The following LNX1 variants were observed in gnomAD, a reference collection of about 807,000 sequenced individuals.
LNX1 encodes the protein E3 ubiquitin-protein ligase LNX.
In LNX1, 54 loss-of-function variants were observed where a neutral mutation model predicts 68.4. That is an observed-to-expected ratio of 0.79 (90% CI 0.63 to 0.99). The LOEUF is 0.99. Among genes scored for constraint, LNX1 ranks in the 50% least tolerant of loss-of-function variants. The pLI, the probability that LNX1 is intolerant of heterozygous loss-of-function variation, is 0.00. For synonymous variants in LNX1, 336 were observed against 350.0 expected (o/e 0.96, Z 0.45); for missense variants, 906 against 926.4 (o/e 0.98, Z 0.29).
At chr4:53,546,868 C>T (rs1577693571) in intron 2 of LNX1, among the ~76,000 whole-genome samples, 1 of 152,188 alleles carries the variant, frequency 6.6e-6, no homozygotes, top group African/African-American at 2.4e-5. Context: ...TGGTAAAGAC[C>T]GAGCCACTTG....
chr4:53,537,972 G>A (rs568875335), intron 2 of LNX1, among the ~76,000 whole-genome samples: 36 of 152,300 alleles, frequency 2.4e-4, no homozygotes, highest in African/African-American at 7.7e-4. Flanking sequence ...GAGAGCCTTG[G>A]CTACTGTCAA....
At chr4:53,468,615 A>G (rs1397675943) in intron 9 of LNX1, among the ~76,000 whole-genome samples, 4 of 152,226 alleles carry the variant, frequency 2.6e-5, no homozygotes, top group African/African-American at 4.8e-5. Context: ...GCAGAGACAC[A>G]CATAGGCTCA....
At chr4:53,515,470 T>C (rs11724704) in intron 2 of LNX1, among the ~76,000 whole-genome samples, 37,685 of 151,668 alleles carry the variant, frequency 0.25, 5,175 homozygotes, top group Admixed American at 0.33. Context: ...AGCAAGCTCA[T>C]GAGTTCCCTT....
intron 2 of LNX1, among the ~76,000 whole-genome samples, chr4:53,515,767 C>G (rs1172032843): frequency 2.6e-5 from 4 of 152,124 alleles, no homozygotes; most frequent in Non-Finnish European, 5.9e-5. Context: ...GATGGCACAG[C>G]ACGGAGGAAA....
chr4:53,498,558 T>C (rs1725242684), intron 5 of LNX1, 83 bp downstream of exon 5: 12 of 918,802 alleles, frequency 1.3e-5, no homozygotes, highest in East Asian at 2.4e-5. Context: ...CCCTCATTCA[T>C]CCATCCATCT....
At chr4:53,636,559 A>T (rs115295366) in intron 1 of LNX1, among the ~76,000 whole-genome samples, 1,975 of 152,282 alleles carry the variant, frequency 0.013, 17 homozygotes, top group Middle Eastern at 0.071. Flanking sequence ...GGAGATGATA[A>T]TGCCCATATT....
chr4:53,551,724 G>T (rs1275529105), intron 2 of LNX1, among the ~76,000 whole-genome samples: 1 of 152,108 alleles, frequency 6.6e-6, no homozygotes, highest in Non-Finnish European at 1.5e-5. Context: ...CAAGTCACCC[G>T]CTTGGCCCTC....
chr4:53,559,837 C>A (rs576023377), intron 2 of LNX1, among the ~76,000 whole-genome samples: 1 of 148,368 alleles, frequency 6.7e-6, no homozygotes, highest in Non-Finnish European at 1.5e-5. Flanking sequence ...AAATTAAAAT[C>A]TTTTTCAGAG....
intron 1 of LNX1, among the ~76,000 whole-genome samples, chr4:53,645,883 T>G (rs1484850756): frequency 1.3e-5 from 2 of 152,224 alleles, no homozygotes; most frequent in African/African-American, 4.8e-5. Context: ...AGGATATTGA[T>G]TACTATTTCA....
chr4:53,577,579 A>G (rs1326234821), intron 1 of LNX1, among the ~76,000 whole-genome samples: 1 of 152,096 alleles, frequency 6.6e-6, no homozygotes, highest in African/African-American at 2.4e-5. Context: ...CTCTGCCATT[A>G]CTATTATTAT....
rs371313684 is a variant in LNX1, at chr4:53,473,640, C to T, written c.1892+3113G>A. Among the ~76,000 whole-genome samples the T allele has an allele frequency of 3.3e-5, 5 of 152,076 alleles. No individual in the cohort carries two copies. The East Asian group carries it at 9.7e-4, about 29-fold the overall frequency. ...ACACAATGAGGGTGACAACAGACAC[C>T]AGGGCCTACTTGAGGGTGGAGGATG... On this transcript the variant is annotated intron_variant, in intron 9 of 10. Coordinates refer to ENST00000263925, the MANE Select transcript of LNX1 (RefSeq NM_001126328.3).
chr4:53,489,578 TG>T (rs1165997774), intron 6 of LNX1, among the ~76,000 whole-genome samples: 9 of 152,068 alleles, frequency 5.9e-5, no homozygotes, highest in African/African-American at 2.2e-4. Context: ...TATATATATT[TG>T]GGGGGATATG....
intron 1 of LNX1, among the ~76,000 whole-genome samples, chr4:53,581,184 G>T (rs1731814753): frequency 6.6e-6 from 1 of 152,148 alleles, no homozygotes; most frequent in East Asian, 1.9e-4. Context: ...ACCCTTATCA[G>T]TTGCAGCCTG....
chr4:53,643,258 T>C (rs1017215251), intron 1 of LNX1, among the ~76,000 whole-genome samples: 1 of 152,028 alleles, frequency 6.6e-6, no homozygotes, highest in Non-Finnish European at 1.5e-5. Flanking sequence ...TCAAGCAATC[T>C]TCCCACCTCA....
chr4:53,571,367 G>A (rs1303945580), intron 2 of LNX1, among the ~76,000 whole-genome samples: 1 of 151,970 alleles, frequency 6.6e-6, no homozygotes, highest in East Asian at 1.9e-4. Flanking sequence ...TATCCAGGTG[G>A]GCCCAAGGTA....
chr4:53,551,657 T>C (rs1262461096), intron 2 of LNX1, among the ~76,000 whole-genome samples: 1 of 152,128 alleles, frequency 6.6e-6, no homozygotes, highest in Non-Finnish European at 1.5e-5. Flanking sequence ...GCAACCCCCC[T>C]GGAAGCATGC....
chr4:53,494,417 G>A (rs1248636530), intron 6 of LNX1, among the ~76,000 whole-genome samples: 1 of 152,126 alleles, frequency 6.6e-6, no homozygotes, highest in African/African-American at 2.4e-5. Context: ...TAACACATGG[G>A]CTATTAAGGA....
rs951385542 is a variant in LNX1 at position 53,504,138 on chromosome 4, C to CA, written c.775+3178dup. Among the ~76,000 whole-genome samples the CA allele has an allele frequency of 3.3e-4, 48 of 147,064 alleles. 1 individual carries two copies. Among genetic ancestry groups the CA allele is most frequent in the African/African-American group, 5.2e-4 (21 of 40,150 alleles). On this transcript the variant is annotated intron_variant, in intron 4 of 10. Transcript: ENST00000263925. ...CTACAGAGCGAGCGAGACTCCGTCT[C>CA]AAAAAAAAAAGAAAATCTGCTTAGT...
intron 6 of LNX1, among the ~76,000 whole-genome samples, chr4:53,488,542 C>A (rs1724475391): frequency 6.6e-6 from 1 of 152,140 alleles, no homozygotes; most frequent in Admixed American, 6.5e-5. Flanking sequence ...GTATAGAGTG[C>A]AGTAGTTTTG....
Sources: allele counts gnomAD v4.1 joint callset (sites outside exome capture counted in the v4.1 genomes callset), GRCh38; gene constraint gnomAD v4.1.1; transcripts MANE v1.5; gene names NCBI Gene and HGNC (gene_info 2026-07-23, HGNC 2026-07-21).